POU2AF2: variants seen among roughly 807,000 people sequenced by gnomAD.
POU2AF2 encodes the protein POU domain class 2-associating factor 2.
chr11:111,264,575 A>AGAAG, the POU2AF2 span, among the ~76,000 whole-genome samples: 1 of 22,464 alleles, frequency 4.5e-5, no homozygotes, highest in Non-Finnish European at 8.4e-5. Context: ...AAAGAAAGAA[A>AGAAG]GGGAGAGAGA....
the POU2AF2 span, among the ~76,000 whole-genome samples, chr11:111,259,695 T>A: frequency 5.3e-5 from 8 of 152,148 alleles, no homozygotes; most frequent in African/African-American, 1.7e-4. Context: ...ACGGGTTTTT[T>A]AAAAAGAAAT....
the POU2AF2 span, among the ~76,000 whole-genome samples, chr11:111,274,621 G>A: frequency 6.6e-6 from 1 of 150,686 alleles, no homozygotes; most frequent in Non-Finnish European, 1.5e-5. Context: ...AGACAGACAG[G>A]AAAGCACCCC....
the POU2AF2 span, among the ~76,000 whole-genome samples, chr11:111,283,353 A>G: frequency 6.6e-6 from 1 of 152,098 alleles, no homozygotes; most frequent in African/African-American, 2.4e-5. Context: ...CTGCACCACC[A>G]AGGGAAACTT....
At chr11:111,282,320 C>T in the POU2AF2 span, among the ~76,000 whole-genome samples, 1 of 152,058 alleles carries the variant, frequency 6.6e-6, no homozygotes, top group South Asian at 2.1e-4. Flanking sequence ...GAAACAGAAC[C>T]TTATTTATTT....
the POU2AF2 span, among the ~76,000 whole-genome samples, chr11:111,281,157 C>T: frequency 0.23 from 34,833 of 152,140 alleles, 4,985 homozygotes; most frequent in Admixed American, 0.32. Flanking sequence ...TACTACATTT[C>T]ATCCAGCCAG....
chr11:111,282,652 TA>T, the POU2AF2 span, among the ~76,000 whole-genome samples: 1 of 152,200 alleles, frequency 6.6e-6, no homozygotes, highest in Non-Finnish European at 1.5e-5. Flanking sequence ...GAGCATAATA[TA>T]AAGTGCCACA....
the POU2AF2 span, among the ~76,000 whole-genome samples, chr11:111,264,577 G>GAGAGAGA: frequency 1.2e-3 from 27 of 22,954 alleles, 3 homozygotes; most frequent in African/African-American, 3.5e-3. Context: ...AGAAAGAAAG[G>GAGAGAGA]GAGAGAGAAA....
the POU2AF2 span, among the ~76,000 whole-genome samples, chr11:111,246,953 A>T: frequency 6.6e-6 from 1 of 152,172 alleles, no homozygotes; most frequent in Non-Finnish European, 1.5e-5. Flanking sequence ...TTTCTGATCT[A>T]CATCTCATTT....
At chr11:111,252,522 T>C in the POU2AF2 span, among the ~76,000 whole-genome samples, 1 of 151,754 alleles carries the variant, frequency 6.6e-6, no homozygotes. Context: ...TTTGAATTGC[T>C]CTCCTATGCC....
At chr11:111,269,572 G>T in the POU2AF2 span, among the ~76,000 whole-genome samples, 1 of 151,936 alleles carries the variant, frequency 6.6e-6, no homozygotes, top group East Asian at 1.9e-4. Flanking sequence ...ATTCTTTCAT[G>T]CAGCTTGCAA....
chr11:111,263,425 T>C, the POU2AF2 span, among the ~76,000 whole-genome samples: 1 of 139,162 alleles, frequency 7.2e-6, no homozygotes, highest in African/African-American at 2.6e-5. Context: ...TTTACTGAAG[T>C]TCTTTTTTTT....
chr11:111,266,612 A>C, the POU2AF2 span, among the ~76,000 whole-genome samples: 37 of 152,110 alleles, frequency 2.4e-4, no homozygotes, highest in African/African-American at 8.0e-4. Context: ...TCCCCTTCCC[A>C]CCTGTTCAGT....
the POU2AF2 span, among the ~76,000 whole-genome samples, chr11:111,254,304 C>G: frequency 2.0e-5 from 3 of 152,156 alleles, no homozygotes; most frequent in Admixed American, 2.0e-4. Context: ...CAAATCCTGT[C>G]AAAATTAGAC....
the POU2AF2 span, among the ~76,000 whole-genome samples, chr11:111,270,352 AC>A: frequency 5.3e-5 from 8 of 152,150 alleles, no homozygotes; most frequent in Non-Finnish European, 1.2e-4. Context: ...TTTTCATTTT[AC>A]CCCTACACAT....
At chr11:111,266,194 T>A in the POU2AF2 span, among the ~76,000 whole-genome samples, 2 of 152,190 alleles carry the variant, frequency 1.3e-5, no homozygotes, top group Non-Finnish European at 2.9e-5. Flanking sequence ...ACAAGTGATG[T>A]GACTTTCTGA....
At chr11:111,270,797 A>C in the POU2AF2 span, among the ~76,000 whole-genome samples, 1 of 152,126 alleles carries the variant, frequency 6.6e-6, no homozygotes, top group Non-Finnish European at 1.5e-5. Context: ...CCTATGGGAG[A>C]GTATCAGCCC....
chr11:111,253,098 G>T, the POU2AF2 span, among the ~76,000 whole-genome samples: 40,702 of 151,838 alleles, frequency 0.27, 5,584 homozygotes, highest in Admixed American at 0.29. Context: ...TATTCCCCTG[G>T]TTTTTCCTGT....
At chr11:111,280,911 G>C in the POU2AF2 span, among the ~76,000 whole-genome samples, 1 of 152,182 alleles carries the variant, frequency 6.6e-6, no homozygotes. Context: ...CTGCAAAACT[G>C]TGGCCACAAT....
chr11:111,250,555 C>G, the POU2AF2 span, among the ~76,000 whole-genome samples: 3 of 152,326 alleles, frequency 2.0e-5, no homozygotes, highest in Admixed American at 6.5e-5. Context: ...TAAAAACAAG[C>G]AAAGCCCCCA....
Sources: allele counts gnomAD v4.1 joint callset (sites outside exome capture counted in the v4.1 genomes callset), GRCh38; gene constraint gnomAD v4.1.1; transcripts MANE v1.5; gene names NCBI Gene and HGNC (gene_info 2026-07-23, HGNC 2026-07-21).